The following GRIN2A variants were observed in gnomAD, a reference collection of about 807,000 sequenced individuals.
GRIN2A encodes the protein glutamate receptor ionotropic, NMDA 2A.
In GRIN2A, 22 loss-of-function variants were observed where a neutral mutation model predicts 113.4. The ratio of observed to expected loss-of-function variants is 0.19; its 90% CI spans 0.14 to 0.28. GRIN2A has a LOEUF of 0.28. Among genes scored for constraint, GRIN2A ranks in the 10% least tolerant of loss-of-function variants. The probability of loss-of-function intolerance (pLI) is 1.00; values close to 1 mark genes in which losing one functional copy is unlikely to be tolerated. For missense variants in GRIN2A, 1,502 were observed against 1,887.0 expected (o/e 0.80, Z 3.78); for synonymous variants, 827 against 738.4 (o/e 1.12, Z -1.94).
At chr16:9,878,136 G>C (rs1001421261) in intron 4 of GRIN2A, among the ~76,000 whole-genome samples, 1 of 152,088 alleles carries the variant, frequency 6.6e-6, no homozygotes, top group African/African-American at 2.4e-5. Context: ...TATACCACCT[G>C]TCAGCTTAAT....
chr16:9,849,535 A>G (rs2042841913), intron 5 of GRIN2A, among the ~76,000 whole-genome samples: 1 of 152,014 alleles, frequency 6.6e-6, no homozygotes, highest in African/African-American at 2.4e-5. Context: ...GGGCAAAACT[A>G]CTCACCTCAT....
At chr16:9,949,338 C>T (rs143243340) in intron 2 of GRIN2A, among the ~76,000 whole-genome samples, 19 of 151,674 alleles carry the variant, frequency 1.3e-4, no homozygotes, top group East Asian at 1.9e-4. Context: ...GATGGACGGA[C>T]GGATGAATAG....
intron 2 of GRIN2A, among the ~76,000 whole-genome samples, chr16:10,039,808 G>GAGAGA (rs373952509): frequency 0.015 from 946 of 63,796 alleles, 49 homozygotes; most frequent in East Asian, 0.13. Flanking sequence ...GGGAGGGGGG[G>GAGAGA]GAGAAAGAGA....
At chr16:9,930,870 C>G (rs1237955891) in intron 3 of GRIN2A, among the ~76,000 whole-genome samples, 2 of 152,192 alleles carry the variant, frequency 1.3e-5, no homozygotes, top group Admixed American at 1.3e-4. Flanking sequence ...ATCAATGTAA[C>G]TTAGACATGA....
At chr16:9,944,440 TCATCATCCTC>T (rs1230895138) in intron 2 of GRIN2A, among the ~76,000 whole-genome samples, 1 of 152,040 alleles carries the variant, frequency 6.6e-6, no homozygotes, top group Non-Finnish European at 1.5e-5. Context: ...TCCTCTGTCA[TCATCATCCTC>T]CATCATCATC....
chr16:10,084,870 T>C (rs1204075923), intron 2 of GRIN2A, among the ~76,000 whole-genome samples: 1 of 152,174 alleles, frequency 6.6e-6, no homozygotes, highest in Non-Finnish European at 1.5e-5. Context: ...GCCTGATACA[T>C]AGTAGACAAC....
chr16:10,155,410 A>C (rs536429636), intron 2 of GRIN2A, among the ~76,000 whole-genome samples: 10 of 152,340 alleles, frequency 6.6e-5, no homozygotes, highest in Admixed American at 4.6e-4. Context: ...CTCAGGAAGC[A>C]GTGTGTCCCT....
intron 10 of GRIN2A, among the ~76,000 whole-genome samples, chr16:9,814,110 G>T (rs1425998245): frequency 6.6e-6 from 1 of 152,168 alleles, no homozygotes; most frequent in Non-Finnish European, 1.5e-5. Context: ...TTTGAGCATA[G>T]AAATGATAAT....
Position 9,763,663 on chromosome 16 carries a change from T to C in GRIN2A, c.3881A>G (p.Asn1294Ser), listed in dbSNP as rs756382250. ...LRISRQHSYD[N>S]IVDKPRELDL... The stretch of plus-strand genomic sequence containing the variant: ...TAGCTCCCTAGGTTTGTCGACAATG[T>C]TATCGTAGGAATGCTGACGGCTAAT... The change falls in exon 13 of 13, where the codon AAC becomes AGC. Residue 1294 changes from asparagine (N) to serine (S), a missense_variant. Around this residue, in one of 7 missense-constraint regions of GRIN2A, gnomAD observed 832 missense variants for 789.7 expected, o/e 1.05. Coordinates refer to ENST00000330684, the MANE Select transcript of GRIN2A (RefSeq NM_001134407.3). The C allele has an allele frequency of 6.2e-7, 1 of 1,613,572 alleles. No individual in the cohort carries two copies.
chr16:10,088,377 C>T (rs1319428641), intron 2 of GRIN2A, among the ~76,000 whole-genome samples: 1 of 152,160 alleles, frequency 6.6e-6, no homozygotes, highest in Non-Finnish European at 1.5e-5. Flanking sequence ...CCAGGACATA[C>T]AGGGAGGCAG....
chr16:10,111,924 A>G (rs2142148667), intron 2 of GRIN2A: 1 of 787,780 alleles, frequency 1.3e-6, no homozygotes, highest in Non-Finnish European at 2.2e-6. Flanking sequence ...TGATGACGCC[A>G]AGGATCAAGC....
At chr16:10,150,714 G>A (rs2049551081) in intron 2 of GRIN2A, among the ~76,000 whole-genome samples, 3 of 151,060 alleles carry the variant, frequency 2.0e-5, no homozygotes, top group African/African-American at 7.3e-5. Context: ...GACCTTTCCT[G>A]CTCAGCCTCT....
At chr16:9,833,997 G>A (rs973259782) in intron 8 of GRIN2A, 108 bp downstream of exon 8, 92 of 1,114,434 alleles carry the variant, frequency 8.3e-5, no homozygotes, top group Non-Finnish European at 6.9e-5. Context: ...GATTACAGGC[G>A]TGAGCCACCA....
Position 9,764,672 on chromosome 16 carries a change from C to T in GRIN2A, c.2872G>A (p.Asp958Asn), listed in dbSNP as rs2141136363. The change falls in exon 13 of 13, where the codon GAC becomes AAC. Residue 958 changes from aspartate (D) to asparagine (N), a missense_variant. By Grantham distance (23) the Asp-to-Asn change is conservative (BLOSUM62 1). This residue lies in a region of GRIN2A where 832 missense variants were observed against 789.7 expected (regional missense o/e 1.05). Transcript: ENST00000330684. ...SFQGKESIFG[D>N]NMNELQTFVA... is the part of the protein sequence containing the mutation. ...AATGTTTGGAGTTCGTTCATGTTGT[C>T]TCCAAAAATGCTCTCTTTCCCCTGA... is the stretch of plus-strand genomic sequence containing the variant. 6.2e-7 allele frequency: 1 copy of T among 1,614,198 alleles called. No homozygotes were observed. The highest frequency in any genetic ancestry group is 8.5e-7 in the Non-Finnish European group (1 of 1,180,018).
intron 2 of GRIN2A, among the ~76,000 whole-genome samples, chr16:10,014,101 G>A (rs1214284451): frequency 6.6e-6 from 1 of 152,210 alleles, no homozygotes; most frequent in Non-Finnish European, 1.5e-5. Flanking sequence ...GTGCAAGCCT[G>A]TATAGCCTAG....
chr16:9,958,500 G>A (rs1046876621), intron 2 of GRIN2A, among the ~76,000 whole-genome samples: 8 of 152,000 alleles, frequency 5.3e-5, no homozygotes, highest in African/African-American at 1.4e-4. Flanking sequence ...CTGTTCCCAC[G>A]GATTTTATCT....
intron 2 of GRIN2A, among the ~76,000 whole-genome samples, chr16:10,152,252 A>C (rs2049596288): frequency 6.6e-6 from 1 of 152,188 alleles, no homozygotes; most frequent in Non-Finnish European, 1.5e-5. Context: ...AGGAAGAGTC[A>C]GGGTTAAAAT....
rs180812641 is a variant in GRIN2A, at chr16:10,016,449, T to A, written c.415-77898A>T. Among the ~76,000 whole-genome samples, 10 of 152,104 alleles carry A rather than the reference T, an allele frequency of 6.6e-5. No homozygotes were observed. The East Asian group carries it at 1.9e-3, about 29-fold the overall frequency. Reference sequence around the variant, plus strand: ...AAGGACTATTGCCCCACAGATTCACTGCATCTAGTATTGCTAAGGGGCTGC... The same window carrying A: ...AAGGACTATTGCCCCACAGATTCACAGCATCTAGTATTGCTAAGGGGCTGC... On this transcript the variant is annotated intron_variant, in intron 2 of 12. Transcript: ENST00000330684.
chr16:10,053,910 A>G (rs930584273), intron 2 of GRIN2A, among the ~76,000 whole-genome samples: 2 of 152,044 alleles, frequency 1.3e-5, no homozygotes, highest in African/African-American at 2.4e-5. Context: ...AAAGGAAAAG[A>G]TCCTACGTGG....
Sources: gnomAD v4.1 joint callset for allele counts (sites outside exome capture counted in the v4.1 genomes callset) on GRCh38, gnomAD v4.1.1 for gene constraint, gnomAD v4.1.1 regional missense constraint, MANE v1.5 for transcripts, NCBI Gene and HGNC (gene_info 2026-07-23, HGNC 2026-07-21) for gene names.